SFTPD: variants seen among roughly 807,000 people sequenced by gnomAD.
The protein encoded by SFTPD is surfactant protein D.
Under a neutral mutation model 34.6 loss-of-function variants are expected in SFTPD, and 18 were observed. That is an observed-to-expected ratio of 0.52 (90% CI 0.36 to 0.77). SFTPD has a LOEUF of 0.77. SFTPD is among the 30% of genes least tolerant of loss of function. The pLI, the probability that SFTPD is intolerant of heterozygous loss-of-function variation, is 0.00. For synonymous variants in SFTPD, 155 were observed against 180.9 expected (o/e 0.86, Z 1.15); for missense variants, 433 against 468.9 (o/e 0.92, Z 0.71).
chr10:79,969,673 A>G (rs561807068), intron 1 of SFTPD: 69 of 152,228 alleles, frequency 4.5e-4, no homozygotes, highest in African/African-American at 1.6e-3. Context: ...TTTTTTTTAT[A>G]TACCTCTTGG....
At chr10:79,949,805 T>A (rs558413199), upstream of SFTPD, among the ~76,000 whole-genome samples, 4 of 152,294 alleles carry the variant, frequency 2.6e-5, no homozygotes, top group East Asian at 7.7e-4. Context: ...TTGTAACTAG[T>A]TAGGACCCCT....
At chr10:79,964,513 A>G (rs2132516599) in intron 1 of SFTPD, among the ~76,000 whole-genome samples, 1 of 152,274 alleles carries the variant, frequency 6.6e-6, no homozygotes, top group Middle Eastern at 3.4e-3. Flanking sequence ...CTTCCCACAC[A>G]AGGCAAATGG....
intron 4 of SFTPD, 43 bp downstream of exon 4, chr10:79,942,345 T>G: frequency 7.4e-7 from 1 of 1,351,192 alleles, no homozygotes; most frequent in Non-Finnish European, 1.1e-6. Flanking sequence ...CCCTTGTCCT[T>G]CCTCCTTTCC....
In SFTPD at chr10:79,961,208, G is replaced by A. The variant is rs534248769; in HGVS notation, c.37-14546C>T. ...CATAAAAACCCTAGAAGAAAACCTA[G>A]GCAATACCATTCAGGACATAGGCTT... On this transcript the variant is annotated intron_variant, in intron 1 of 5. Coordinates refer to the SFTPD transcript ENST00000444384. Among the ~76,000 whole-genome samples the A allele has an allele frequency of 4.6e-5, 7 of 152,280 alleles. No individual in the cohort carries two copies. In the South Asian group the frequency reaches 1.2e-3, roughly 27 times the overall value.
upstream of SFTPD, among the ~76,000 whole-genome samples, chr10:79,949,579 A>AG (rs1224232844): frequency 1.4e-4 from 22 of 152,226 alleles, no homozygotes; most frequent in African/African-American, 5.3e-4. Flanking sequence ...GGGGTGGGGC[A>AG]GGTAGAGTGG....
At chr10:79,944,398 G>A (rs1292421833) in intron 2 of SFTPD, among the ~76,000 whole-genome samples, 5 of 152,194 alleles carry the variant, frequency 3.3e-5, no homozygotes, top group Non-Finnish European at 5.9e-5. Flanking sequence ...TTTTGGTAGG[G>A]TGGTCGGGGA....
intron 1 of SFTPD, chr10:79,981,795 C>T: frequency 5.6e-6 from 1 of 179,510 alleles, no homozygotes. Context: ...AGGCGGTGCC[C>T]GACGCCCGGG....
chr10:79,955,449 A>AAAAC (rs571260122), intron 1 of SFTPD, among the ~76,000 whole-genome samples: 23 of 152,276 alleles, frequency 1.5e-4, no homozygotes, highest in Non-Finnish European at 2.4e-4. Flanking sequence ...AAAACAAAAC[A>AAAAC]AAACAAACAA....
chr10:79,954,958 A>G (rs1034972232), intron 1 of SFTPD, among the ~76,000 whole-genome samples: 12 of 152,150 alleles, frequency 7.9e-5, no homozygotes, highest in African/African-American at 2.7e-4. Context: ...CTAAACCATC[A>G]CAGCTATAGC....
chr10:79,960,754 C>A (rs1434315640), intron 1 of SFTPD, among the ~76,000 whole-genome samples: 2 of 152,184 alleles, frequency 1.3e-5, no homozygotes, highest in Non-Finnish European at 2.9e-5. Flanking sequence ...CCATCCCCAT[C>A]AAGCTACCAA....
chr10:79,982,151 C>T (rs1037384384), intron 1 of SFTPD: 30 of 378,236 alleles, frequency 7.9e-5, no homozygotes, highest in Admixed American at 2.0e-4. Context: ...GCGCGCCTGG[C>T]GGGGCAGGGC....
At chr10:79,970,668 G>A (rs1282662213) in intron 1 of SFTPD, 10 of 151,966 alleles carry the variant, frequency 6.6e-5, no homozygotes, top group Admixed American at 6.6e-4. Context: ...TTTTCAAGTA[G>A]TTCATTGTTG....
chr10:79,973,617 CAAAAAAAAAA>C (rs5786429), intron 1 of SFTPD, among the ~76,000 whole-genome samples: 1 of 90,644 alleles, frequency 1.1e-5, no homozygotes, highest in Non-Finnish European at 2.2e-5. Flanking sequence ...GACTCTGTCT[CAAAAAAAAAA>C]AAAAAAAAAA....
chr10:79,947,220 A>G (rs1486943577), intron 1 of SFTPD, among the ~76,000 whole-genome samples: 1 of 152,266 alleles, frequency 6.6e-6, no homozygotes, highest in Non-Finnish European at 1.5e-5. Context: ...TCCTGAGCGC[A>G]GGCTGGGAGT....
At chr10:79,977,596 T>C (rs948412481) in intron 1 of SFTPD, among the ~76,000 whole-genome samples, 2 of 152,264 alleles carry the variant, frequency 1.3e-5, no homozygotes, top group African/African-American at 4.8e-5. Context: ...TTTCTTGTCC[T>C]CATGGTAATA....
At chr10:79,958,738 G>A (rs886630670) in intron 1 of SFTPD, among the ~76,000 whole-genome samples, 1 of 152,126 alleles carries the variant, frequency 6.6e-6, no homozygotes, top group Non-Finnish European at 1.5e-5. Flanking sequence ...AGATCAACAA[G>A]ACAGAAAGTT....
At chr10:79,980,327 C>T (rs1006309539) in intron 1 of SFTPD, among the ~76,000 whole-genome samples, 2 of 152,154 alleles carry the variant, frequency 1.3e-5, no homozygotes, top group Admixed American at 6.5e-5. Context: ...TTCCTAAAAT[C>T]CCCAATCCCA....
chr10:79,956,595 G>A (rs190462202), intron 1 of SFTPD, among the ~76,000 whole-genome samples: 1 of 152,368 alleles, frequency 6.6e-6, no homozygotes, highest in East Asian at 1.9e-4. Context: ...TGGCAGTGAG[G>A]CTGGGGGAGG....
At position 79,942,374 on chromosome 10, in the gene SFTPD, G is replaced by T; in HGVS notation, c.433+14C>A. ...CCTTTCCCTTCTCAGACTGGCCACAGACCAGCCACCTACCTTTGGGCCCAG... is the reference window on the plus strand; with the variant it reads ...CCTTTCCCTTCTCAGACTGGCCACATACCAGCCACCTACCTTTGGGCCCAG... On this transcript the variant is annotated intron_variant, in intron 4 of 7. Transcript: ENST00000372292. The T allele has an allele frequency of 6.4e-7, 1 of 1,562,888 alleles. No individual in the cohort carries two copies. Among genetic ancestry groups the T allele is most frequent in the Non-Finnish European group, 8.8e-7 (1 of 1,133,908 alleles).
Sources: gnomAD v4.1 joint callset for allele counts (sites outside exome capture counted in the v4.1 genomes callset) on GRCh38, gnomAD v4.1.1 for gene constraint, MANE v1.5 for transcripts, NCBI Gene and HGNC (gene_info 2026-07-23, HGNC 2026-07-21) for gene names.